ZNF469: variants seen among roughly 807,000 people sequenced by gnomAD.
ZNF469 encodes zinc finger protein 469.
A neutral mutation model predicts 1.0 loss-of-function variants in ZNF469; 1 was observed. The ratio of observed to expected loss-of-function variants is 1.00; its 90% CI spans 0.35 to 4.73. ZNF469 has a LOEUF of 4.73. ZNF469 is among the 30% of genes most tolerant of loss of function. The pLI, the probability that ZNF469 is intolerant of heterozygous loss-of-function variation, is 0.16. For missense variants in ZNF469, 6,100 were observed against 5,356.3 expected (o/e 1.14, Z -4.33); for synonymous variants, 2,703 against 2,363.4 (o/e 1.14, Z -4.17).
At chr16:88,170,055 C>T in the ZNF469 span, among the ~76,000 whole-genome samples, 2 of 152,206 alleles carry the variant, frequency 1.3e-5, no homozygotes, top group African/African-American at 4.8e-5. The surrounding 1 kb of genome is among the most constrained non-coding windows in gnomAD (Gnocchi z 4.2). Context: ...ACCCGAGTCC[C>T]GCTTGTGGCT....
chr16:88,113,664 C>G, the ZNF469 span, among the ~76,000 whole-genome samples: 1 of 152,242 alleles, frequency 6.6e-6, no homozygotes, highest in Non-Finnish European at 1.5e-5. Context: ...AAGGGCCTAT[C>G]GTAGGTCAGG....
At chr16:88,205,499 T>C in the ZNF469 span, among the ~76,000 whole-genome samples, 7 of 152,116 alleles carry the variant, frequency 4.6e-5, no homozygotes, top group Admixed American at 4.6e-4. The surrounding 1 kb of genome is among the most constrained non-coding windows in gnomAD (Gnocchi z 4.2). Flanking sequence ...AACCTCATAG[T>C]TTTTTCCTGA....
At chr16:88,382,800 T>A (rs995920586), upstream of ZNF469, among the ~76,000 whole-genome samples, 7 of 149,710 alleles carry the variant, frequency 4.7e-5, no homozygotes, top group Non-Finnish European at 1.0e-4. Flanking sequence ...GGCTGGGGAG[T>A]GTGAAGAGGG....
At chr16:88,106,845 C>T in the ZNF469 span, among the ~76,000 whole-genome samples, 3 of 152,394 alleles carry the variant, frequency 2.0e-5, no homozygotes, top group East Asian at 5.8e-4. Flanking sequence ...GAAGCCATCG[C>T]CCCCAGGCGG....
At chr16:88,116,126 C>G in the ZNF469 span, among the ~76,000 whole-genome samples, 4 of 152,212 alleles carry the variant, frequency 2.6e-5, no homozygotes, top group African/African-American at 9.6e-5. Flanking sequence ...ACTCTCAAAA[C>G]TCAACCGTGA....
the ZNF469 span, among the ~76,000 whole-genome samples, chr16:88,128,326 A>G: frequency 6.6e-6 from 1 of 152,164 alleles, no homozygotes; most frequent in Admixed American, 6.5e-5. Flanking sequence ...AGCCCTCTCC[A>G]AGGATGGCGT....
At chr16:88,200,851 C>T in the ZNF469 span, among the ~76,000 whole-genome samples, 1 of 152,256 alleles carries the variant, frequency 6.6e-6, no homozygotes, top group African/African-American at 2.4e-5. Context: ...CAAAGGGGTC[C>T]CCGCCCTCCC....
At chr16:88,207,911 G>A in the ZNF469 span, among the ~76,000 whole-genome samples, 4 of 152,228 alleles carry the variant, frequency 2.6e-5, no homozygotes, top group South Asian at 4.2e-4. Context: ...TCACAGGCTC[G>A]AGGGTGTGGG....
chr16:88,305,797 C>T, the ZNF469 span, among the ~76,000 whole-genome samples: 1 of 152,194 alleles, frequency 6.6e-6, no homozygotes, highest in African/African-American at 2.4e-5. Flanking sequence ...CACATGCACA[C>T]ATATACACAT....
chr16:88,147,049 A>G, the ZNF469 span, among the ~76,000 whole-genome samples: 1 of 152,146 alleles, frequency 6.6e-6, no homozygotes, highest in Non-Finnish European at 1.5e-5. Flanking sequence ...ATGTGCCCTC[A>G]CGTGGCAAAA....
At chr16:88,277,764 C>T in the ZNF469 span, among the ~76,000 whole-genome samples, 53 of 52,362 alleles carry the variant, frequency 1.0e-3, 1 homozygote, top group African/African-American at 3.0e-3. Flanking sequence ...CGCTGACACT[C>T]GGTCAGTACC....
At chr16:88,340,534 C>T in the ZNF469 span, among the ~76,000 whole-genome samples, 13 of 152,184 alleles carry the variant, frequency 8.5e-5, no homozygotes, top group African/African-American at 3.1e-4. Context: ...AAGAAGTTCT[C>T]GAAGCTTTGA....
intron 1 of ZNF469, among the ~76,000 whole-genome samples, chr16:88,398,608 G>A (rs1025004016): frequency 6.8e-6 from 1 of 146,656 alleles, no homozygotes; most frequent in Non-Finnish European, 1.5e-5. Flanking sequence ...AAGGGGGCAT[G>A]TGAGCCATGG....
At chr16:88,246,036 G>A in the ZNF469 span, among the ~76,000 whole-genome samples, 4 of 152,268 alleles carry the variant, frequency 2.6e-5, no homozygotes, top group Non-Finnish European at 4.4e-5. Context: ...ATTGGACACA[G>A]GAAGGTCAGC....
the ZNF469 span, among the ~76,000 whole-genome samples, chr16:88,232,890 G>T: frequency 6.6e-6 from 1 of 152,358 alleles, no homozygotes; most frequent in Middle Eastern, 3.4e-3. Context: ...AGCCTTCTCA[G>T]CAGCCAGGAG....
the ZNF469 span, among the ~76,000 whole-genome samples, chr16:88,232,081 G>A: frequency 6.6e-6 from 1 of 152,280 alleles, no homozygotes; most frequent in East Asian, 1.9e-4. Flanking sequence ...CGGGCGCGAG[G>A]AGGGTATCTG....
At chr16:88,233,763 C>T in the ZNF469 span, among the ~76,000 whole-genome samples, 2 of 152,222 alleles carry the variant, frequency 1.3e-5, no homozygotes, top group Admixed American at 6.5e-5. Context: ...TTCAGGACCC[C>T]GATGGGGACG....
At position 88,434,055 on chromosome 16, in the gene ZNF469, T is replaced by C. The variant is rs1192468290; in HGVS notation, c.6585T>C (p.Ala2195=). Reference sequence around the variant, plus strand: ...CTGGGGCTGAGGATTCCCCGGTGGCTCCCCCGTCTTTGACAACAAGCCCCT... The same window carrying C: ...CTGGGGCTGAGGATTCCCCGGTGGCCCCCCCGTCTTTGACAACAAGCCCCT... The part of the protein sequence containing the change: ...TDTGAEDSPV[A]PPSLTTSPCD... The change falls in exon 3 of 3, where the codon GCT becomes GCC. Residue 2195 remains alanine, a synonymous_variant. Transcript: ENST00000565624. 1 of 1,550,100 alleles carries C rather than the reference T, an allele frequency of 6.5e-7. No homozygotes were observed. The highest frequency in any genetic ancestry group is 2.4e-5 in the East Asian group (1 of 40,902).
the ZNF469 span, among the ~76,000 whole-genome samples, chr16:88,313,456 C>T: frequency 6.6e-6 from 1 of 152,260 alleles, no homozygotes; most frequent in Non-Finnish European, 1.5e-5. Context: ...TGTCTTATTT[C>T]ACTATCTGTA....
Sources: gnomAD v4.1 joint callset for allele counts (sites outside exome capture counted in the v4.1 genomes callset) on GRCh38, gnomAD v4.1.1 for gene constraint, Gnocchi (gnomAD v3.1) non-coding constraint, MANE v1.5 for transcripts, NCBI Gene and HGNC (gene_info 2026-07-23, HGNC 2026-07-21) for gene names.